GPAT4: variants seen among roughly 807,000 people sequenced by gnomAD.
GPAT4 encodes 1-AGP acyltransferase 6.
GPAT4 carries 17 observed loss-of-function variants against 58.0 expected under a neutral mutation model. That is an observed-to-expected ratio of 0.29 (90% CI 0.20 to 0.44). The LOEUF is 0.44. Among genes scored for constraint, GPAT4 ranks in the 20% least tolerant of loss-of-function variants. The pLI is 1.00. For synonymous variants in GPAT4, 204 were observed against 210.1 expected (o/e 0.97, Z 0.25); for missense variants, 377 against 574.5 (o/e 0.66, Z 3.51).
chr8:41,621,182 T>C lies in GPAT4; in HGVS notation c.*181T>C, dbSNP rs1803740180. 2 of 856,666 alleles carry C rather than the reference T, an allele frequency of 2.3e-6. No individual in the cohort carries two copies. Among genetic ancestry groups the C allele is most frequent in the Non-Finnish European group, 3.5e-6 (2 of 569,918 alleles). 53.1% of individuals were successfully genotyped at this position (856,666 alleles called of 1,614,324 possible). On this transcript the variant is annotated 3_prime_UTR_variant, in exon 13 of 13. Transcript: ENST00000396987. ...GGATCCCTGTGCACCCGGCGCAGCC[T>C]ACCCTTGGTGGTCTAAACGGATGCT...
intron 1 of GPAT4, among the ~76,000 whole-genome samples, chr8:41,581,843 C>T (rs1802518317): frequency 6.7e-6 from 1 of 149,502 alleles, no homozygotes; most frequent in Admixed American, 6.7e-5. Flanking sequence ...CCGTGTTAGC[C>T]AGGATGGTCT....
chr8:41,624,935 G>A lies in GPAT4; in HGVS notation c.*3934G>A, dbSNP rs1226876790. On this transcript the variant is annotated 3_prime_UTR_variant, in exon 13 of 13. Coordinates refer to ENST00000396987, the MANE Select transcript of GPAT4 (RefSeq NM_178819.4). ...CACCACCCAGTAACACATCATTTCA[G>A]TACCTGCTATTAATGGTCTTTTGAT... The A allele has an allele frequency of 6.6e-6, 1 of 152,108 alleles. No individual in the cohort carries two copies. The highest frequency in any genetic ancestry group is 1.5e-5 in the Non-Finnish European group (1 of 68,034). 9.4% of individuals were successfully genotyped at this position (152,108 alleles called of 1,614,324 possible).
intron 1 of GPAT4, among the ~76,000 whole-genome samples, chr8:41,595,165 T>TG (rs955501860): frequency 2.7e-5 from 4 of 150,774 alleles, no homozygotes; most frequent in Non-Finnish European, 5.9e-5. Flanking sequence ...AGTTTTTTTT[T>TG]TTTTTTTTTT....
At chr8:41,595,353 T>A (rs796731200) in intron 1 of GPAT4, among the ~76,000 whole-genome samples, 2 of 103,886 alleles carry the variant, frequency 1.9e-5, no homozygotes, top group South Asian at 5.6e-4. Flanking sequence ...TTTTTTTTTT[T>A]ACTTAGGATA....
chr8:41,616,380 T>G (rs1448314667), intron 10 of GPAT4, among the ~76,000 whole-genome samples: 1 of 152,184 alleles, frequency 6.6e-6, no homozygotes, highest in Non-Finnish European at 1.5e-5. Flanking sequence ...CATGCAACCT[T>G]GACCTCCCAC....
chr8:41,619,832 A>G (rs1803697210), intron 12 of GPAT4, among the ~76,000 whole-genome samples: 1 of 152,190 alleles, frequency 6.6e-6, no homozygotes. Context: ...CTCTCAGATG[A>G]TGGCCTTTTA....
At chr8:41,607,057 G>A (rs1382677427) in intron 2 of GPAT4, among the ~76,000 whole-genome samples, 1 of 152,182 alleles carries the variant, frequency 6.6e-6, no homozygotes, top group Non-Finnish European at 1.5e-5. Context: ...ATTTCAGGAT[G>A]AAATATTTTG....
intron 1 of GPAT4, among the ~76,000 whole-genome samples, chr8:41,595,927 G>T (rs931072136): frequency 5.3e-5 from 8 of 151,882 alleles, no homozygotes; most frequent in African/African-American, 7.3e-5. Context: ...GGGCAGGGGT[G>T]GGGGGGTGTG....
At chr8:41,591,898 T>G (rs1802799109) in intron 1 of GPAT4, among the ~76,000 whole-genome samples, 2 of 152,246 alleles carry the variant, frequency 1.3e-5, no homozygotes, top group Non-Finnish European at 2.9e-5. Flanking sequence ...TAGATAGCAT[T>G]TCTCATCTGA....
intron 2 of GPAT4, among the ~76,000 whole-genome samples, chr8:41,599,656 T>TGG (rs1803028567): frequency 6.6e-6 from 1 of 152,218 alleles, no homozygotes; most frequent in African/African-American, 2.4e-5. Flanking sequence ...CTGAGAAGCA[T>TGG]GGGAGAGCCT....
At chr8:41,581,786 G>A (rs982260876) in intron 1 of GPAT4, among the ~76,000 whole-genome samples, 151 of 150,672 alleles carry the variant, frequency 1.0e-3, no homozygotes, top group African/African-American at 3.5e-3. Context: ...CTGCCACCAC[G>A]CCCGGCTAAT....
intron 12 of GPAT4, chr8:41,619,394 G>T: frequency 4.9e-6 from 1 of 205,260 alleles, no homozygotes; most frequent in South Asian, 9.2e-5. Flanking sequence ...ACCTAATAGA[G>T]CAGGATTGAC....
intron 1 of GPAT4, among the ~76,000 whole-genome samples, chr8:41,589,440 A>G (rs1181494685): frequency 2.0e-5 from 3 of 151,770 alleles, no homozygotes; most frequent in African/African-American, 4.8e-5. Context: ...TAGCAAGGTC[A>G]TGAGTGCAGA....
At chr8:41,614,829 G>A in intron 9 of GPAT4, 134 bp from the exon 10 acceptor site, 2 of 715,946 alleles carry the variant, frequency 2.8e-6, no homozygotes, top group South Asian at 3.8e-5. Context: ...TTTTAAGTTA[G>A]GGAGATGACA....
intron 8 of GPAT4, among the ~76,000 whole-genome samples, chr8:41,613,369 G>A (rs1803499199): frequency 6.6e-6 from 1 of 151,276 alleles, no homozygotes; most frequent in Non-Finnish European, 1.5e-5. Context: ...CTGGGCGATA[G>A]AATGAGACTC....
chr8:41,618,434 T>C (rs1803655441), intron 10 of GPAT4: 2 of 547,504 alleles, frequency 3.7e-6, no homozygotes, highest in East Asian at 6.2e-5. Flanking sequence ...AGACATTTGC[T>C]TGAGGCAGGC....
At position 41,618,729 on chromosome 8, in the gene GPAT4, G is replaced by A. The variant is rs1423307177; in HGVS notation, c.1099G>A (p.Gly367Arg). Residue 367 changes from glycine (G) to arginine (R), a missense_variant, in exon 11 of 13, where the codon GGG becomes AGG. Gly to Arg is a moderately radical substitution (Grantham distance 125). Coordinates refer to ENST00000396987, the MANE Select transcript of GPAT4 (RefSeq NM_178819.4). ...GDAFWNSSKY[G>R]MVTYLLRMMT... Reference sequence around the variant, plus strand: ...TGCCTTCTGGAACAGCAGCAAATACGGGATGGTGACGTACCTGCTGCGAAT... The same window carrying A: ...TGCCTTCTGGAACAGCAGCAAATACAGGATGGTGACGTACCTGCTGCGAAT... The A allele has an allele frequency of 1.9e-6, 3 of 1,614,090 alleles. No homozygotes were observed. The highest frequency in any genetic ancestry group is 1.7e-5 in the Admixed American group (1 of 60,010).
intron 1 of GPAT4, among the ~76,000 whole-genome samples, chr8:41,588,827 C>G (rs1033519161): frequency 1.3e-5 from 2 of 152,220 alleles, no homozygotes; most frequent in African/African-American, 4.8e-5. Flanking sequence ...GCTCTGTTGC[C>G]TTCCTGGAAT....
At chr8:41,580,273 A>AACGGTGTAGATAACATTC (rs1454744383) in intron 1 of GPAT4, among the ~76,000 whole-genome samples, 4 of 152,222 alleles carry the variant, frequency 2.6e-5, no homozygotes, top group Admixed American at 6.5e-5. Context: ...ACAAGCTATA[A>AACGGTGTAGATAACATTC]ACGGTGTAGA....
Sources: gnomAD v4.1 joint callset for allele counts (sites outside exome capture counted in the v4.1 genomes callset) on GRCh38, gnomAD v4.1.1 for gene constraint, MANE v1.5 for transcripts, NCBI Gene and HGNC (gene_info 2026-07-23, HGNC 2026-07-21) for gene names.